TEX9: variants seen among roughly 807,000 people sequenced by gnomAD.
The protein encoded by TEX9 is testis-expressed protein 9.
TEX9 carries 74 observed loss-of-function variants against 59.6 expected under a neutral mutation model. The ratio of observed to expected loss-of-function variants is 1.24; its 90% confidence interval spans 1.03 to 1.51. TEX9 has a LOEUF of 1.51. TEX9 is among the 40% of genes most tolerant of loss of function. The pLI is 0.00. For missense variants in TEX9, 522 were observed against 447.8 expected, an observed-to-expected ratio of 1.17 and a Z score of -1.49; for synonymous variants, 186 against 152.2, an observed-to-expected ratio of 1.22 and a Z score of -1.64.
At chr15:56,368,660 T>C (rs1009769230) in intron 2 of TEX9, among the ~76,000 whole-genome samples, 1 of 152,176 alleles carries the variant, frequency 6.6e-6, no homozygotes, top group Non-Finnish European at 1.5e-5. Flanking sequence ...TCTAGAAAAG[T>C]GTTCATATCA....
intron 1 of TEX9, among the ~76,000 whole-genome samples, chr15:56,327,917 A>T (rs73411595): frequency 0.038 from 5,800 of 152,162 alleles, 367 homozygotes; most frequent in African/African-American, 0.13. Context: ...AGGCCACAAG[A>T]ACCGCAACTC....
At chr15:56,341,572 A>G (rs2046372905) in intron 1 of TEX9, among the ~76,000 whole-genome samples, 1 of 152,082 alleles carries the variant, frequency 6.6e-6, no homozygotes, top group Admixed American at 6.6e-5. Context: ...ATTCAGGTAG[A>G]AGGGAATTGA....
At chr15:56,416,409 GT>G (rs1187511176) in intron 10 of TEX9, among the ~76,000 whole-genome samples, 2 of 151,900 alleles carry the variant, frequency 1.3e-5, no homozygotes, top group African/African-American at 4.9e-5. Context: ...GTTATTTAGA[GT>G]TTTTAACATA....
chr15:56,428,237 A>G (rs2050413500), intron 11 of TEX9, 130 bp from the exon 12 acceptor site: 1 of 623,244 alleles, frequency 1.6e-6, no homozygotes, highest in African/African-American at 1.8e-5. Flanking sequence ...TATTGGAATT[A>G]AGAGTATACA....
chr15:56,403,794 A>G (rs1275169856), intron 9 of TEX9, among the ~76,000 whole-genome samples: 1 of 152,214 alleles, frequency 6.6e-6, no homozygotes, highest in African/African-American at 2.4e-5. Flanking sequence ...ATATAGACCA[A>G]TGGAACAGAA....
At chr15:56,325,814 AG>A (rs1347459715) in intron 1 of TEX9, among the ~76,000 whole-genome samples, 4 of 152,214 alleles carry the variant, frequency 2.6e-5, no homozygotes, top group African/African-American at 9.6e-5. Flanking sequence ...AGAAAATTTA[AG>A]TCAACATTTT....
At chr15:56,407,645 A>G (rs1322768435) in intron 9 of TEX9, among the ~76,000 whole-genome samples, 1 of 152,134 alleles carries the variant, frequency 6.6e-6, no homozygotes, top group Non-Finnish European at 1.5e-5. Flanking sequence ...AATCTCAGGT[A>G]TAATGCATTT....
rs372898347 is a variant in TEX9, at chr15:56,333,477, T to A, written c.-106-39964T>A. On this transcript the variant is annotated intron_variant, in intron 1 of 5. Transcript: ENST00000560827. ...GATGAAATTCAACACTCCTTCATGA[T>A]AAAAAAAAAAAACCCTCAAAAAACT... 5.5e-3 allele frequency among the ~76,000 whole-genome samples: 788 copies of A among 142,042 alleles called. 6 individuals carry two copies. The highest frequency in any genetic ancestry group is 0.017 in the African/African-American group (658 of 39,006). The allele number at this position is 142,042 out of a possible 152,430, so 93.2% of individuals were successfully genotyped here.
At chr15:56,390,971 C>T (rs2048180729) in intron 6 of TEX9, among the ~76,000 whole-genome samples, 1 of 152,018 alleles carries the variant, frequency 6.6e-6, no homozygotes, top group African/African-American at 2.4e-5. Flanking sequence ...TCTGTGGTCA[C>T]ATGATTCATA....
intron 2 of TEX9, among the ~76,000 whole-genome samples, chr15:56,369,261 G>C (rs762961990): frequency 1.3e-5 from 2 of 151,946 alleles, no homozygotes; most frequent in Non-Finnish European, 2.9e-5. Flanking sequence ...TGTGATTATG[G>C]CTCATTGCAG....
chr15:56,344,161 C>T (rs1308220772), intron 1 of TEX9, among the ~76,000 whole-genome samples: 1 of 152,106 alleles, frequency 6.6e-6, no homozygotes, highest in East Asian at 1.9e-4. Context: ...CAATTCTGCT[C>T]CTAGGTATAT....
chr15:56,353,616 A>G (rs2046627473), intron 1 of TEX9, among the ~76,000 whole-genome samples: 3 of 152,338 alleles, frequency 2.0e-5, no homozygotes, highest in Non-Finnish European at 4.4e-5. Flanking sequence ...CTTATTTGAA[A>G]TGAAATCTAA....
intron 1 of TEX9, among the ~76,000 whole-genome samples, chr15:56,333,927 A>C (rs2046208971): frequency 6.6e-6 from 1 of 152,166 alleles, no homozygotes; most frequent in African/African-American, 2.4e-5. Context: ...AGTAGCTACA[A>C]ATAAAATTAA....
At chr15:56,449,146 G>A (rs1457651839), downstream of TEX9, among the ~76,000 whole-genome samples, 2 of 152,066 alleles carry the variant, frequency 1.3e-5, no homozygotes, top group Non-Finnish European at 2.9e-5. Context: ...CCTAGCACCT[G>A]TCTTTGCTTT....
intron 3 of TEX9, among the ~76,000 whole-genome samples, chr15:56,380,610 G>A (rs755549993): frequency 6.6e-5 from 10 of 152,190 alleles, no homozygotes; most frequent in Admixed American, 5.9e-4. Flanking sequence ...TAGTGTTGAT[G>A]GAATGCCTCA....
intron 9 of TEX9, among the ~76,000 whole-genome samples, chr15:56,402,221 A>C (rs1037147803): frequency 3.9e-5 from 6 of 152,178 alleles, no homozygotes; most frequent in African/African-American, 1.4e-4. Flanking sequence ...GTCTATCAAC[A>C]AAATTGTTAG....
chr15:56,352,593 G>A (rs1187515821), intron 1 of TEX9, among the ~76,000 whole-genome samples: 1 of 152,018 alleles, frequency 6.6e-6, no homozygotes, highest in Non-Finnish European at 1.5e-5. Context: ...TCTTCTATTA[G>A]TATAAACCTA....
In TEX9 at chr15:56,389,311, C is replaced by A; in HGVS notation, c.313-7C>A. On this transcript the variant is annotated splice_polypyrimidine_tract_variant and splice_region_variant and intron_variant, in intron 5 of 12. Transcript: ENST00000352903. The stretch of plus-strand genomic sequence containing the variant: ...ATTAGTCAATACTTTCAATTCTTTT[C>A]ATGTAGCCAAAGACCAAAAACATTG... 1 of 1,605,000 alleles carries A rather than the reference C, an allele frequency of 6.2e-7. No individual in the cohort carries two copies. Among genetic ancestry groups the A allele is most frequent in the Non-Finnish European group, 8.5e-7 (1 of 1,173,236 alleles).
At chr15:56,339,178 T>A (rs557889652) in intron 1 of TEX9, among the ~76,000 whole-genome samples, 11 of 150,754 alleles carry the variant, frequency 7.3e-5, no homozygotes, top group Non-Finnish European at 1.5e-4. Context: ...AGGTCAGGAG[T>A]TCCAGACTAG....
Sources: gnomAD v4.1 joint callset for allele counts (sites outside exome capture counted in the v4.1 genomes callset) on GRCh38, gnomAD v4.1.1 for gene constraint, MANE v1.5 for transcripts, NCBI Gene and HGNC (gene_info 2026-07-23, HGNC 2026-07-21) for gene names.